Variants in GREB1L observed in about 807,000 individuals in gnomAD.
The protein encoded by GREB1L is GREB1 like retinoic acid receptor coactivator, also known as GREB1-like protein.
Under a neutral mutation model 200.8 loss-of-function variants are expected in GREB1L, and 17 were observed. The observed-to-expected ratio is 0.08, with a 90% CI of 0.06 to 0.13. The LOEUF (loss-of-function observed/expected upper bound fraction) is 0.13. GREB1L is among the 10% of genes least tolerant of loss of function. GREB1L has a pLI of 1.00. For missense variants in GREB1L, 1,657 were observed against 2,367.7 expected (o/e 0.70, Z 6.23); for synonymous variants, 789 against 893.0 (o/e 0.88, Z 2.08).
intron 16 of GREB1L, among the ~76,000 whole-genome samples, 178 bp downstream of exon 16, chr18:21,473,389 G>C (rs933695383): frequency 1.3e-5 from 2 of 151,982 alleles, no homozygotes; most frequent in African/African-American, 4.8e-5. Flanking sequence ...GGCCAACATG[G>C]TGAAACCCCA....
chr18:21,327,620 TAC>T (rs1195611705), intron 1 of GREB1L, among the ~76,000 whole-genome samples: 2 of 150,784 alleles, frequency 1.3e-5, no homozygotes, highest in African/African-American at 4.9e-5. Context: ...TTCTTTTGAG[TAC>T]AGTCTTCAAG....
At position 21,383,555 on chromosome 18, in the gene GREB1L, C is replaced by G. The variant is rs777707946; in HGVS notation, c.37C>G (p.Arg13Gly). The G allele has an allele frequency of 1.3e-6, 2 of 1,545,990 alleles. No homozygotes were observed. The change falls in exon 3 of 33, where the codon CGA (arginine) becomes GGA (glycine). Residue 13 changes from arginine to glycine, a missense_variant. Physicochemically the swap from Arg to Gly is moderately radical, Grantham distance 125. This residue lies in a region of GREB1L where 121 missense variants were observed against 126.6 expected (regional missense o/e 0.96). Coordinates refer to ENST00000424526, the MANE Select transcript of GREB1L (RefSeq NM_001142966.3). ...NSYAGQLKSA[R>G]FEEALHNSIE... ...ATATGCTGGGCAACTGAAATCTGCT[C>G]GATTTGAGGAAGCTCTCCACAACTC...
rs530522875 is a variant in GREB1L at position 21,384,220 on chromosome 18, G to A, written c.172G>A (p.Val58Met). 1.6e-5 allele frequency: 25 copies of A among 1,550,202 alleles called. 1 individual carries two copies. In the South Asian group the frequency reaches 2.5e-4, roughly 16 times the overall value. ...PFSSADVKPK[V>M]EDLDKDLVNR... is the part of the protein sequence containing the mutation. Reference sequence around the variant, plus strand: ...TGCTTACCCAGATGTCAAACCCAAGGTGGAGGATCTGGACAAAGATTTGGT... The same window carrying A: ...TGCTTACCCAGATGTCAAACCCAAGATGGAGGATCTGGACAAAGATTTGGT... Residue 58 changes from valine to methionine, a missense_variant, in exon 4 of 33, where the codon GTG becomes ATG. Val to Met is a conservative substitution (Grantham distance 21). This residue lies in a region of GREB1L where 121 missense variants were observed against 126.6 expected (regional missense o/e 0.96). Transcript: ENST00000424526.
rs1308452766 is a variant in GREB1L, at chr18:21,522,699, C to T, written c.5650C>T (p.Arg1884Cys). 47 of 1,551,522 alleles carry T rather than the reference C, an allele frequency of 3.0e-5. No individual in the cohort carries two copies. The highest frequency in any genetic ancestry group is 9.8e-5 in the Admixed American group (5 of 50,970). ...CATCTGCCAAGACAGAAGTTCCTTG[C>T]GCCAAACAATTGTCCGCTTAGAGCT... ...CVICQDRSSL[R>C]QTIVRLELED... Residue 1884 changes from arginine (R) to cysteine (C), a missense_variant, in exon 33 of 33, where the codon CGC becomes TGC. By Grantham distance (180) the Arg-to-Cys change is radical. Transcript: ENST00000424526.
chr18:21,291,345 T>G (rs1230849633), intron 1 of GREB1L, among the ~76,000 whole-genome samples: 4 of 152,198 alleles, frequency 2.6e-5, no homozygotes, highest in African/African-American at 9.6e-5. Context: ...GGGTTACCTC[T>G]TTGTTAAAGC....
intron 7 of GREB1L, among the ~76,000 whole-genome samples, chr18:21,405,439 G>A (rs370203707): frequency 3.5e-4 from 53 of 152,244 alleles, no homozygotes; most frequent in African/African-American, 1.2e-3. Context: ...TGTTTATTTC[G>A]TTTTAAGAAC....
intron 1 of GREB1L, among the ~76,000 whole-genome samples, chr18:21,352,978 G>C (rs1160637718): frequency 2.0e-5 from 3 of 151,914 alleles, no homozygotes; most frequent in Admixed American, 2.0e-4. Context: ...TCAGGAGATT[G>C]AGACCATCCT....
intron 4 of GREB1L, 23 bp from the exon 5 acceptor site, chr18:21,395,362 C>CT (rs749562602): frequency 5.1e-5 from 77 of 1,521,806 alleles, no homozygotes; most frequent in South Asian, 6.0e-5. Flanking sequence ...TCACTGTGTC[C>CT]TTTTTTTTAA....
At chr18:21,493,865 C>CAAA (rs35758360) in intron 19 of GREB1L, among the ~76,000 whole-genome samples, 2,115 of 38,506 alleles carry the variant, frequency 0.055, 864 homozygotes, top group African/African-American at 0.17. Flanking sequence ...GACCCTGTCT[C>CAAA]AAAAAAAAAA....
intron 4 of GREB1L, among the ~76,000 whole-genome samples, chr18:21,392,686 T>C (rs986568279): frequency 6.6e-6 from 1 of 152,128 alleles, no homozygotes; most frequent in Non-Finnish European, 1.5e-5. Context: ...AGGCTTGTTT[T>C]TGAGGTTTGG....
At chr18:21,306,628 T>C (rs1166253388) in intron 1 of GREB1L, among the ~76,000 whole-genome samples, 3 of 152,184 alleles carry the variant, frequency 2.0e-5, no homozygotes, top group Non-Finnish European at 2.9e-5. Flanking sequence ...CATGCATACA[T>C]CTCTCTTAAG....
At chr18:21,327,960 C>T (rs563015741) in intron 1 of GREB1L, among the ~76,000 whole-genome samples, 5 of 152,098 alleles carry the variant, frequency 3.3e-5, no homozygotes, top group Non-Finnish European at 5.9e-5. Flanking sequence ...GTGATCCGCC[C>T]GCCTCAGCCT....
intron 1 of GREB1L, among the ~76,000 whole-genome samples, chr18:21,251,944 CAA>C (rs11422185): frequency 1.8e-4 from 13 of 72,876 alleles, no homozygotes; most frequent in Non-Finnish European, 2.4e-4. Context: ...GACTCCATCT[CAA>C]AAAAAAAAAA....
At chr18:21,412,924 A>T (rs1598788284) in intron 7 of GREB1L, among the ~76,000 whole-genome samples, 1 of 151,854 alleles carries the variant, frequency 6.6e-6, no homozygotes, top group South Asian at 2.1e-4. Context: ...ATAGGCAGGG[A>T]TGCTATGGTG....
At chr18:21,491,744 A>T (rs147401696) in intron 19 of GREB1L, among the ~76,000 whole-genome samples, 143 of 152,028 alleles carry the variant, frequency 9.4e-4, no homozygotes, top group African/African-American at 3.3e-3. Context: ...TGGAGATGTA[A>T]ATCTTCTTCT....
At chr18:21,464,124 G>C (rs1391253690) in intron 15 of GREB1L, among the ~76,000 whole-genome samples, 1 of 152,158 alleles carries the variant, frequency 6.6e-6, no homozygotes, top group African/African-American at 2.4e-5. Flanking sequence ...CTACAGAAGA[G>C]TACCAGTTAA....
At chr18:21,366,322 C>T (rs1361259289) in intron 2 of GREB1L, among the ~76,000 whole-genome samples, 186 bp downstream of exon 2, 1 of 151,998 alleles carries the variant, frequency 6.6e-6, no homozygotes, top group Non-Finnish European at 1.5e-5. Flanking sequence ...TACCAGAAAG[C>T]TTCTGCAGAG....
chr18:21,459,253 CTTTCT>C (rs1191999851), intron 15 of GREB1L, among the ~76,000 whole-genome samples: 2 of 140,536 alleles, frequency 1.4e-5, no homozygotes, highest in East Asian at 4.2e-4. Flanking sequence ...GGCATTCCCA[CTTTCT>C]TTTCTTTTTC....
chr18:21,291,247 C>T (rs1371396787), intron 1 of GREB1L, among the ~76,000 whole-genome samples: 2 of 152,128 alleles, frequency 1.3e-5, no homozygotes, highest in Admixed American at 1.3e-4. Flanking sequence ...TTTGTACACA[C>T]CATTTCTTTG....
Sources: gnomAD v4.1 joint callset for allele counts (sites outside exome capture counted in the v4.1 genomes callset) on GRCh38, gnomAD v4.1.1 for gene constraint, gnomAD v4.1.1 regional missense constraint, MANE v1.5 for transcripts, NCBI Gene and HGNC (gene_info 2026-07-23, HGNC 2026-07-21) for gene names.